ADAMTS20: variants seen among roughly 807,000 people sequenced by gnomAD.
ADAMTS20 encodes ADAM metallopeptidase with thrombospondin type 1 motif 20, also known as A disintegrin and metalloproteinase with thrombospondin motifs 20.
Under a neutral mutation model 260.1 loss-of-function variants are expected in ADAMTS20, and 225 were observed. That is an observed-to-expected ratio of 0.87 (90% CI 0.78 to 0.97). ADAMTS20 has a LOEUF of 0.97. Among genes scored for constraint, ADAMTS20 ranks in the 50% least tolerant of loss-of-function variants. ADAMTS20 has a pLI of 0.00. For missense variants in ADAMTS20, 2,400 were observed against 2,337.7 expected, an observed-to-expected ratio of 1.03 and a Z score of -0.55; for synonymous variants, 802 against 769.5, an observed-to-expected ratio of 1.04 and a Z score of -0.70.
intron 37 of ADAMTS20, among the ~76,000 whole-genome samples, chr12:43,357,764 A>G (rs904102840): frequency 6.6e-6 from 1 of 152,212 alleles, no homozygotes; most frequent in South Asian, 2.1e-4. Flanking sequence ...TAAGTTCTCA[A>G]TAAGTGTTTT....
chr12:43,450,559 A>T (rs1941846591), intron 14 of ADAMTS20, among the ~76,000 whole-genome samples: 1 of 152,108 alleles, frequency 6.6e-6, no homozygotes, highest in African/African-American at 2.4e-5. Context: ...TTCCGACTTA[A>T]ATTATTTTAA....
At chr12:43,388,505 T>G (rs1685828324) in intron 29 of ADAMTS20, among the ~76,000 whole-genome samples, 1 of 152,252 alleles carries the variant, frequency 6.6e-6, no homozygotes, top group Non-Finnish European at 1.5e-5. Context: ...CATGATTATA[T>G]TTCAATGGAT....
chr12:43,405,227 T>TAAAAAAAA (rs1565683116), intron 28 of ADAMTS20, among the ~76,000 whole-genome samples: 222 of 11,538 alleles, frequency 0.019, 3 homozygotes, highest in African/African-American at 0.051. Context: ...ACCTCATCTC[T>TAAAAAAAA]ACAAAAAAAA....
intron 19 of ADAMTS20, 58 bp downstream of exon 19, chr12:43,434,187 C>T: frequency 1.3e-6 from 2 of 1,494,160 alleles, no homozygotes; most frequent in Middle Eastern, 2.2e-4. Flanking sequence ...CTGTGTTAGA[C>T]ATTTTAATCT....
At chr12:43,375,583 T>A in intron 35 of ADAMTS20, 71 bp from the exon 36 acceptor site, 1 of 1,533,226 alleles carries the variant, frequency 6.5e-7, no homozygotes, top group Admixed American at 1.9e-5. Flanking sequence ...ACTTTGGGAG[T>A]AGAAAAATAA....
chr12:43,466,336 A>T (rs543057646), intron 9 of ADAMTS20, among the ~76,000 whole-genome samples: 9 of 152,108 alleles, frequency 5.9e-5, no homozygotes, highest in Admixed American at 5.9e-4. Context: ...ACACATAAGG[A>T]AACTGGAATT....
intron 18 of ADAMTS20, among the ~76,000 whole-genome samples, chr12:43,434,806 G>C (rs982133117): frequency 1.3e-5 from 2 of 152,158 alleles, no homozygotes; most frequent in African/African-American, 4.8e-5. Context: ...TCCTGTAGGG[G>C]AAGAACTCTT....
chr12:43,384,084 A>AT, intron 29 of ADAMTS20, 107 bp from the exon 30 acceptor site: 1 of 1,024,116 alleles, frequency 9.8e-7, no homozygotes, highest in Non-Finnish European at 1.4e-6. Flanking sequence ...ACAGCCTGGT[A>AT]TTAAAACATG....
intron 28 of ADAMTS20, among the ~76,000 whole-genome samples, chr12:43,416,207 G>A (rs529314873): frequency 4.7e-4 from 71 of 152,182 alleles, no homozygotes; most frequent in South Asian, 1.2e-3. Flanking sequence ...CTAGCTGCAC[G>A]AATGGCCCCT....
At chr12:43,379,778 G>A (rs1940309828) in intron 31 of ADAMTS20, among the ~76,000 whole-genome samples, 2 of 152,152 alleles carry the variant, frequency 1.3e-5, no homozygotes, top group African/African-American at 4.8e-5. Flanking sequence ...AACAAACCCT[G>A]GGGAGGAGGA....
chr12:43,438,993 G>C (rs914423488), intron 18 of ADAMTS20, among the ~76,000 whole-genome samples: 1 of 152,072 alleles, frequency 6.6e-6, no homozygotes, highest in Non-Finnish European at 1.5e-5. Flanking sequence ...TTAATAATCT[G>C]AGCATATTCC....
At chr12:43,500,949 C>G (rs1224613980) in intron 4 of ADAMTS20, among the ~76,000 whole-genome samples, 2 of 151,362 alleles carry the variant, frequency 1.3e-5, no homozygotes, top group East Asian at 2.0e-4. Context: ...CTTGCTAAGT[C>G]TTTTCAACCA....
intron 3 of ADAMTS20, 126 bp from the exon 4 acceptor site, chr12:43,502,531 A>G (rs2137448660): frequency 2.3e-6 from 2 of 881,086 alleles, no homozygotes; most frequent in Non-Finnish European, 3.3e-6. Flanking sequence ...AAATAAAAGA[A>G]CAAAGAGAAA....
chr12:43,503,001 T>C (rs1942789937), intron 3 of ADAMTS20, among the ~76,000 whole-genome samples: 2 of 152,228 alleles, frequency 1.3e-5, no homozygotes, highest in African/African-American at 4.8e-5. Context: ...TTTATTATGT[T>C]TGCTTATATA....
chr12:43,547,153 T>C (rs2062731), intron 2 of ADAMTS20, among the ~76,000 whole-genome samples: 14,320 of 152,266 alleles, frequency 0.094, 864 homozygotes, highest in Admixed American at 0.2. Flanking sequence ...AATAAATACA[T>C]TGGGGTGTCA....
chr12:43,436,806 T>A (rs114924327), intron 18 of ADAMTS20, among the ~76,000 whole-genome samples: 2,284 of 152,216 alleles, frequency 0.015, 52 homozygotes, highest in African/African-American at 0.051. Context: ...CCAACTTCTG[T>A]TATCCCGCAG....
chr12:43,458,916 T>C (rs550040470), intron 11 of ADAMTS20, among the ~76,000 whole-genome samples: 1 of 152,144 alleles, frequency 6.6e-6, no homozygotes, highest in East Asian at 1.9e-4. Context: ...ACCAATCAGG[T>C]AGTAAAGAGA....
intron 38 of ADAMTS20, among the ~76,000 whole-genome samples, chr12:43,355,106 C>G (rs1939716470): frequency 6.6e-6 from 1 of 152,098 alleles, no homozygotes; most frequent in Non-Finnish European, 1.5e-5. Flanking sequence ...GAGAAGAAAA[C>G]TGTAGGTTCT....
intron 7 of ADAMTS20, among the ~76,000 whole-genome samples, chr12:43,483,184 C>A (rs1942467975): frequency 6.6e-6 from 1 of 152,154 alleles, no homozygotes; most frequent in African/African-American, 2.4e-5. Flanking sequence ...TGCAGACATT[C>A]CCCAGCACCA....
Sources: gnomAD v4.1 joint callset for allele counts (sites outside exome capture counted in the v4.1 genomes callset) on GRCh38, gnomAD v4.1.1 for gene constraint, MANE v1.5 for transcripts, NCBI Gene and HGNC (gene_info 2026-07-23, HGNC 2026-07-21) for gene names.